SYT10: variants seen among roughly 807,000 people sequenced by gnomAD.
SYT10 encodes synaptotagmin-10.
Under a neutral mutation model 51.1 loss-of-function variants are expected in SYT10, and 31 were observed. The observed-to-expected ratio is 0.61, with a 90% CI of 0.46 to 0.82. SYT10 has a LOEUF of 0.82. Among genes scored for constraint, SYT10 ranks in the 40% least tolerant of loss-of-function variants. SYT10 has a pLI of 0.00. For synonymous variants in SYT10, 233 were observed against 225.9 expected (o/e 1.03, Z -0.28); for missense variants, 603 against 634.0 (o/e 0.95, Z 0.53).
At chr12:33,388,353 T>G (rs1432911038) in intron 3 of SYT10, among the ~76,000 whole-genome samples, 1 of 152,152 alleles carries the variant, frequency 6.6e-6, no homozygotes, top group Non-Finnish European at 1.5e-5. Context: ...ATTATTTTTA[T>G]CCAAAATGCT....
intron 2 of SYT10, among the ~76,000 whole-genome samples, chr12:33,409,599 C>T (rs1866388814): frequency 1.3e-5 from 2 of 151,794 alleles, no homozygotes; most frequent in South Asian, 2.1e-4. Context: ...CTGCGAGCTC[C>T]GCCTCCCAGG....
chr12:33,381,308 G>C (rs1008093262), intron 5 of SYT10, among the ~76,000 whole-genome samples: 1 of 152,114 alleles, frequency 6.6e-6, no homozygotes, highest in East Asian at 1.9e-4. Context: ...CTAGCTCTAA[G>C]CCAGAGGAGA....
intron 3 of SYT10, among the ~76,000 whole-genome samples, chr12:33,388,731 G>C (rs1020879419): frequency 9.9e-5 from 15 of 152,144 alleles, no homozygotes; most frequent in Non-Finnish European, 1.8e-4. Flanking sequence ...CTTCATGCTG[G>C]CTCCACCAGA....
rs1866361298 is a variant in SYT10 at position 33,407,087 on chromosome 12, G to A, written c.779C>T (p.Ala260Val). Residue 260 changes from alanine to valine, a missense_variant, in exon 3 of 7, where the codon GCT (alanine) becomes GTT (valine). Ala to Val is a moderately conservative substitution (Grantham distance 64, BLOSUM62 0). Transcript: ENST00000228567. ...VKIIKALDLPAKDFTGTSDPY... is the reference protein window; with the variant it reads ...VKIIKALDLPVKDFTGTSDPY... ...GTCAGAAGTTCCTGTGAAGTCTTTAGCAGGGAGATCTAAAGCTTTGATAAT... is the reference window on the plus strand; with the variant it reads ...GTCAGAAGTTCCTGTGAAGTCTTTAACAGGGAGATCTAAAGCTTTGATAAT... 4 of 1,613,822 alleles carry A rather than the reference G, an allele frequency of 2.5e-6. No individual in the cohort carries two copies. The highest frequency in any genetic ancestry group is 1.7e-5 in the Admixed American group (1 of 59,942).
At chr12:33,380,100 T>A in intron 5 of SYT10, 139 bp from the exon 6 acceptor site, 2 of 848,066 alleles carry the variant, frequency 2.4e-6, no homozygotes, top group Non-Finnish European at 3.4e-6. Flanking sequence ...TCAGACCGAA[T>A]GAAATCTCTT....
intron 6 of SYT10, among the ~76,000 whole-genome samples, chr12:33,377,354 G>A (rs1253927823): frequency 6.6e-6 from 1 of 151,528 alleles, no homozygotes; most frequent in Non-Finnish European, 1.5e-5. Flanking sequence ...TGTATTTTTA[G>A]TAGAGATCGG....
intron 3 of SYT10, among the ~76,000 whole-genome samples, chr12:33,401,563 A>G (rs1479288631): frequency 3.3e-5 from 5 of 152,182 alleles, no homozygotes; most frequent in African/African-American, 4.8e-5. Context: ...TACAAAATAT[A>G]TGCCTCTTGT....
In SYT10 at chr12:33,426,141, G is replaced by T. The variant is rs1444325059; in HGVS notation, c.506C>A (p.Thr169Asn). Residue 169 changes from threonine (T) to asparagine (N), a missense_variant, in exon 2 of 7, where the codon ACC (threonine) becomes AAC (asparagine). Coordinates refer to ENST00000228567, the MANE Select transcript of SYT10 (RefSeq NM_198992.4). ...QRQITEPTSS[T>N]RHSSFRRHLP... is the part of the protein sequence containing the mutation. ...TATATATTTAATCTTTCCTTACCGG[G>T]TTGATGACGTAGGCTCAGTAATTTG... is the stretch of plus-strand genomic sequence containing the variant. 1 of 1,597,176 alleles carries T rather than the reference G, an allele frequency of 6.3e-7. No homozygotes were observed. Among genetic ancestry groups the T allele is most frequent in the Non-Finnish European group, 8.5e-7 (1 of 1,174,578 alleles).
intron 4 of SYT10, among the ~76,000 whole-genome samples, chr12:33,383,894 A>G (rs2138386015): frequency 6.6e-6 from 1 of 152,312 alleles, no homozygotes; most frequent in Admixed American, 6.5e-5. Flanking sequence ...TCTTGTCTCA[A>G]AATTTGATCT....
At chr12:33,380,354 G>A (rs1490225142) in intron 5 of SYT10, among the ~76,000 whole-genome samples, 3 of 152,024 alleles carry the variant, frequency 2.0e-5, no homozygotes, top group East Asian at 1.9e-4. Flanking sequence ...GTTTTATAAC[G>A]ATGTTTAGAT....
At chr12:33,393,071 T>C (rs1866224235) in intron 3 of SYT10, among the ~76,000 whole-genome samples, 1 of 148,128 alleles carries the variant, frequency 6.8e-6, no homozygotes, top group Non-Finnish European at 1.5e-5. Context: ...ATGGTTTAGC[T>C]CTTGTCCTAT....
intron 2 of SYT10, among the ~76,000 whole-genome samples, chr12:33,411,660 T>C (rs182966082): frequency 1.4e-4 from 21 of 152,156 alleles, no homozygotes; most frequent in African/African-American, 5.1e-4. Flanking sequence ...TAATTGAAAC[T>C]ACACTGGCTT....
At chr12:33,398,119 A>T (rs1181015552) in intron 3 of SYT10, among the ~76,000 whole-genome samples, 3 of 152,190 alleles carry the variant, frequency 2.0e-5, no homozygotes, top group Admixed American at 6.5e-5. Context: ...CAAAATCCTC[A>T]ATGAATGTGT....
intron 1 of SYT10, 25 bp from the exon 2 acceptor site, chr12:33,426,520 GATTA>G (rs764317962): frequency 1.5e-4 from 218 of 1,495,254 alleles, no homozygotes; most frequent in Non-Finnish European, 1.9e-4. Context: ...ATGTAAAAAT[GATTA>G]ATTAATATTG....
intron 4 of SYT10, among the ~76,000 whole-genome samples, chr12:33,382,957 A>C (rs1396074714): frequency 2.6e-5 from 4 of 152,222 alleles, no homozygotes; most frequent in South Asian, 2.1e-4. Flanking sequence ...ATTTGGTTTA[A>C]AGATGGCCAC....
chr12:33,435,766 C>A lies in SYT10; in HGVS notation c.151+3606G>T, dbSNP rs370530617. Among the ~76,000 whole-genome samples, 51 of 152,230 alleles carry A rather than the reference C, an allele frequency of 3.4e-4. No homozygotes were observed. In the South Asian group the frequency reaches 0.01, roughly 30 times the overall value. On this transcript the variant is annotated intron_variant, in intron 1 of 6. Transcript: ENST00000228567. ...AAACCTTTATCATAGACCCACTATG[C>A]CTTGATCTTAGAGGGAAATTATGAT...
Position 33,392,985 on chromosome 12 carries a change from TAAAAAAAAAAA to T in SYT10, c.1078-7705_1078-7695del, listed in dbSNP as rs71068378. On this transcript the variant is annotated intron_variant, in intron 3 of 6. Transcript: ENST00000228567. ...CAAAAATAATTGTGGTTTTTGCCAT[TAAAAAAAAAAA>T]AAAAAAAAAAAAAAAAAATTGCAAA... 1.5e-3 allele frequency among the ~76,000 whole-genome samples: 91 copies of T among 59,092 alleles called. 1 individual carries two copies. The highest frequency in any genetic ancestry group is 6.9e-3 in the African/African-American group (76 of 11,068). The allele number at this position is 59,092 out of a possible 152,430, so 38.8% of individuals were successfully genotyped here.
chr12:33,430,922 C>T (rs944997218), intron 1 of SYT10, among the ~76,000 whole-genome samples: 1 of 152,168 alleles, frequency 6.6e-6, no homozygotes, highest in Non-Finnish European at 1.5e-5. Flanking sequence ...CTTCTGATTT[C>T]TGTAACAAGG....
chr12:33,397,431 C>A (rs562245841), intron 3 of SYT10, among the ~76,000 whole-genome samples: 1 of 152,242 alleles, frequency 6.6e-6, no homozygotes, highest in East Asian at 1.9e-4. Context: ...AAAACTGTAC[C>A]CTCAGATGAA....
Sources: gnomAD v4.1 joint callset for allele counts (sites outside exome capture counted in the v4.1 genomes callset) on GRCh38, gnomAD v4.1.1 for gene constraint, MANE v1.5 for transcripts, NCBI Gene and HGNC (gene_info 2026-07-23, HGNC 2026-07-21) for gene names.